The following PARD3B variants were observed in gnomAD, a reference collection of about 807,000 sequenced individuals.
The protein encoded by PARD3B is par-3 family cell polarity regulator beta.
A neutral mutation model predicts 130.2 loss-of-function variants in PARD3B; 103 were observed. That is an observed-to-expected ratio of 0.79 (90% CI 0.67 to 0.93). The LOEUF is 0.93. Among genes scored for constraint, PARD3B ranks in the 40% least tolerant of loss-of-function variants. The probability of loss-of-function intolerance (pLI) is 0.00; values close to 1 mark genes in which losing one functional copy is unlikely to be tolerated. For synonymous variants in PARD3B, 583 were observed against 553.2 expected (o/e 1.05, Z -0.76); for missense variants, 1,609 against 1,499.2 (o/e 1.07, Z -1.21).
At chr2:205,163,955 C>T (rs1191972058) in intron 11 of PARD3B, among the ~76,000 whole-genome samples, 4 of 152,188 alleles carry the variant, frequency 2.6e-5, no homozygotes, top group Admixed American at 1.3e-4. Flanking sequence ...GCTGTTACCT[C>T]TGGCAAAAGG....
At chr2:204,808,437 G>C (rs889995731) in intron 2 of PARD3B, among the ~76,000 whole-genome samples, 3 of 152,106 alleles carry the variant, frequency 2.0e-5, no homozygotes, top group Non-Finnish European at 4.4e-5. Flanking sequence ...TTTATCACCT[G>C]TGTACTAAAC....
intron 20 of PARD3B, among the ~76,000 whole-genome samples, chr2:205,459,436 A>G (rs2048376504): frequency 6.6e-6 from 1 of 152,190 alleles, no homozygotes; most frequent in Admixed American, 6.5e-5. Flanking sequence ...ATATATGGTT[A>G]ACAGACTTCG....
intron 2 of PARD3B, among the ~76,000 whole-genome samples, chr2:204,909,411 A>T (rs1034442317): frequency 6.6e-6 from 1 of 152,198 alleles, no homozygotes; most frequent in African/African-American, 2.4e-5. Flanking sequence ...TTGGTAATAT[A>T]TGCTACATAT....
At chr2:204,722,205 A>G (rs2039028981) in intron 2 of PARD3B, among the ~76,000 whole-genome samples, 2 of 152,222 alleles carry the variant, frequency 1.3e-5, no homozygotes. Context: ...ATTGACAAAT[A>G]ATTGGATCCT....
intron 21 of PARD3B, among the ~76,000 whole-genome samples, chr2:205,547,158 A>G (rs1346748183): frequency 6.6e-6 from 1 of 152,184 alleles, no homozygotes; most frequent in African/African-American, 2.4e-5. Context: ...TCTACCTAGG[A>G]GACACTAATA....
At chr2:205,145,484 ACT>A (rs1409763684) in intron 10 of PARD3B, among the ~76,000 whole-genome samples, 1 of 152,144 alleles carries the variant, frequency 6.6e-6, no homozygotes, top group African/African-American at 2.4e-5. Flanking sequence ...CTTTTGTGAT[ACT>A]CTGTTTTTAA....
At chr2:205,235,636 A>G (rs936062000) in intron 15 of PARD3B, among the ~76,000 whole-genome samples, 1 of 152,202 alleles carries the variant, frequency 6.6e-6, no homozygotes, top group African/African-American at 2.4e-5. Flanking sequence ...GCTACTGTGC[A>G]CAAAGGGGAT....
At chr2:204,912,186 A>G (rs1340576612) in intron 2 of PARD3B, among the ~76,000 whole-genome samples, 2 of 152,208 alleles carry the variant, frequency 1.3e-5, no homozygotes, top group Non-Finnish European at 2.9e-5. Context: ...TGATATACAT[A>G]TTTTAGAAAC....
chr2:205,024,228 C>G (rs10187900), intron 3 of PARD3B, among the ~76,000 whole-genome samples: 2,668 of 132,454 alleles, frequency 0.02, 46 homozygotes, highest in Middle Eastern at 0.056. Context: ...AGTGCAGTGG[C>G]GCGTTCTTGG....
At chr2:204,608,360 G>A (rs2033803343) in intron 1 of PARD3B, among the ~76,000 whole-genome samples, 1 of 152,104 alleles carries the variant, frequency 6.6e-6, no homozygotes, top group East Asian at 1.9e-4. Context: ...TTTTTTCCCG[G>A]GAAAGAAATA....
In PARD3B at chr2:205,290,292, T is replaced by C. The variant is rs1027095383; in HGVS notation, c.2186-10238T>C. On this transcript the variant is annotated intron_variant, in intron 16 of 22. Coordinates refer to ENST00000406610, the MANE Select transcript of PARD3B (RefSeq NM_001302769.2). ...TTAGTTCATGTGTGTTTATCTTTGC[T>C]CTACACATAGACTAGAATGTCTTTG... Among the ~76,000 whole-genome samples, 15 of 152,328 alleles carry C rather than the reference T, an allele frequency of 9.8e-5. No homozygotes were observed. In the South Asian group the frequency reaches 2.3e-3, roughly 23 times the overall value.
intron 1 of PARD3B, among the ~76,000 whole-genome samples, chr2:204,652,408 C>T (rs1310205401): frequency 6.6e-6 from 1 of 152,162 alleles, no homozygotes; most frequent in Non-Finnish European, 1.5e-5. Context: ...AGGGCAGGGG[C>T]AAAACATCAC....
chr2:205,120,910 A>T (rs997549276), intron 7 of PARD3B, among the ~76,000 whole-genome samples: 1 of 152,238 alleles, frequency 6.6e-6, no homozygotes, highest in Non-Finnish European at 1.5e-5. Flanking sequence ...TAGAGGCATG[A>T]GGAAGAAGAA....
intron 4 of PARD3B, among the ~76,000 whole-genome samples, chr2:205,082,689 G>T (rs1403886831): frequency 2.0e-5 from 3 of 151,378 alleles, no homozygotes; most frequent in Non-Finnish European, 4.4e-5. Flanking sequence ...CATTTTATTG[G>T]TTTCCATTCT....
rs1329777487 is a variant in PARD3B, at chr2:205,292,242, G to A, written c.2186-8288G>A. Among the ~76,000 whole-genome samples, 2 of 152,046 alleles carry A rather than the reference G, an allele frequency of 1.3e-5. No individual in the cohort carries two copies. Among genetic ancestry groups the A allele is most frequent in the Non-Finnish European group, 2.9e-5 (2 of 68,008 alleles). On this transcript the variant is annotated intron_variant, in intron 16 of 22. Transcript: ENST00000406610. The surrounding 1 kb of genome is among the most constrained non-coding windows in gnomAD (Gnocchi z 5.3). ...GAGCTGTAGTAGAGCCCTCATGAAT[G>A]GGATTAGTTTCCTTATAAAAAAAAG... is the stretch of plus-strand genomic sequence containing the variant.
intron 4 of PARD3B, among the ~76,000 whole-genome samples, chr2:205,054,163 G>C (rs138480662): frequency 0.016 from 2,436 of 151,726 alleles, 42 homozygotes; most frequent in Non-Finnish European, 0.027. Context: ...AAAACCTGAA[G>C]CCCAGTTTAC....
chr2:204,681,145 T>G (rs908037440), intron 1 of PARD3B, among the ~76,000 whole-genome samples: 1 of 152,204 alleles, frequency 6.6e-6, no homozygotes, highest in African/African-American at 2.4e-5. Flanking sequence ...TTCTGTTAGA[T>G]TGAGCCTTTT....
intron 2 of PARD3B, among the ~76,000 whole-genome samples, chr2:204,903,701 C>A (rs1448267282): frequency 2.0e-5 from 3 of 152,130 alleles, no homozygotes; most frequent in African/African-American, 7.2e-5. Flanking sequence ...TTCATCTCTT[C>A]CTCTCTACCT....
intron 21 of PARD3B, among the ~76,000 whole-genome samples, chr2:205,526,876 T>G (rs550614170): frequency 2.0e-5 from 3 of 152,236 alleles, no homozygotes; most frequent in Non-Finnish European, 4.4e-5. Flanking sequence ...AGACCAATCT[T>G]TATCAATAAT....
Sources: gnomAD v4.1 joint callset for allele counts (sites outside exome capture counted in the v4.1 genomes callset) on GRCh38, gnomAD v4.1.1 for gene constraint, Gnocchi (gnomAD v3.1) non-coding constraint, MANE v1.5 for transcripts, NCBI Gene and HGNC (gene_info 2026-07-23, HGNC 2026-07-21) for gene names.